Variants in SLC47A2 observed in about 807,000 individuals in gnomAD.
SLC47A2 encodes the protein multidrug and toxin extrusion protein 2.
SLC47A2 carries 52 observed loss-of-function variants against 67.7 expected under a neutral mutation model. The observed-to-expected ratio is 0.77, with a 90% CI of 0.61 to 0.97. The LOEUF (loss-of-function observed/expected upper bound fraction) is 0.97, where lower values mean the gene tolerates loss of function less well. Ranked by LOEUF, SLC47A2 falls within the 50% of genes least tolerant of loss-of-function variation. The pLI is 0.00. For missense variants in SLC47A2, 676 were observed against 712.3 expected (o/e 0.95, Z 0.58); for synonymous variants, 278 against 292.9 (o/e 0.95, Z 0.52).
intron 5 of SLC47A2, among the ~76,000 whole-genome samples, chr17:19,709,661 C>CA (rs1212596520): frequency 6.6e-6 from 1 of 152,002 alleles, no homozygotes; most frequent in Non-Finnish European, 1.5e-5. Flanking sequence ...AAGTGCTTAC[C>CA]AAATGATATA....
In SLC47A2 at chr17:19,714,023, C is replaced by A. The variant is rs753076339; in HGVS notation, c.295-50G>T. On this transcript the variant is annotated intron_variant, in intron 3 of 16. Transcript: ENST00000433844. ...AGCCGTTTCCACTGCCCGGGACATTCCTAAATCCCGCGCGGGGAGCGGGCT... is the reference window on the plus strand; with the variant it reads ...AGCCGTTTCCACTGCCCGGGACATTACTAAATCCCGCGCGGGGAGCGGGCT... 4 of 1,574,972 alleles carry A rather than the reference C, an allele frequency of 2.5e-6. No homozygotes were observed. In the South Asian group the frequency reaches 3.5e-5, roughly 14 times the overall value.
chr17:19,678,898 C>G lies in SLC47A2; in HGVS notation c.1489G>C (p.Gly497Arg), dbSNP rs966852445. ...EKAVLSSVAT[G>R]SSPGITLTTY... ...GTCAAGGTAATGCCAGGGGAACTGC[C>G]TGTAGCCACTGCGGAAGCAAACAGG... Residue 497 changes from glycine (G) to arginine (R), a missense_variant, in exon 17 of 17, where the codon GGC becomes CGC. Coordinates refer to ENST00000433844, the MANE Select transcript of SLC47A2 (RefSeq NM_001099646.3). 4.5e-6 allele frequency: 7 copies of G among 1,569,578 alleles called. No homozygotes were observed. In the African/African-American group the frequency reaches 6.8e-5, roughly 15 times the overall value.
intron 13 of SLC47A2, chr17:19,702,128 A>G (rs2085801126): frequency 1.1e-5 from 11 of 984,624 alleles, no homozygotes; most frequent in Non-Finnish European, 1.3e-5. Context: ...AAAAAATTAC[A>G]TAATTCAAAT....
chr17:19,706,522 G>GTAGATCTC, intron 9 of SLC47A2, 126 bp downstream of exon 9: 1 of 713,288 alleles, frequency 1.4e-6, no homozygotes, highest in Non-Finnish European at 2.2e-6. Flanking sequence ...AGCTGGAAGG[G>GTAGATCTC]GGCTGGTGAG....
rs772105379 is a variant in SLC47A2, at chr17:19,704,083, G to A, written c.1005C>T (p.Gly335=). The A allele has an allele frequency of 8.7e-6, 14 of 1,608,644 alleles. No individual in the cohort carries two copies. The highest frequency in any genetic ancestry group is 2.2e-5 in the East Asian group (1 of 44,674). ...GACTCCACCTACCTATGCTGAGCAC[G>A]CCCGAGACGGCCGAGCGCTTGGCCT... ...TVQAKRSAVS[G]VLSIVGISLV... The change falls in exon 11 of 17, where the codon GGC becomes GGT. Residue 335 remains glycine (G), a synonymous_variant. Coordinates refer to ENST00000433844, the MANE Select transcript of SLC47A2 (RefSeq NM_001099646.3).
At chr17:19,689,696 CAAA>C (rs377081377) in intron 13 of SLC47A2, among the ~76,000 whole-genome samples, 13 of 81,648 alleles carry the variant, frequency 1.6e-4, no homozygotes, top group Admixed American at 1.4e-4. Context: ...GACCTTGTCT[CAAA>C]AAAAAAAAAA....
intron 5 of SLC47A2, among the ~76,000 whole-genome samples, chr17:19,709,372 T>G (rs138728941): frequency 1.3e-3 from 205 of 152,300 alleles, no homozygotes; most frequent in African/African-American, 4.7e-3. Context: ...GGGAATAGAA[T>G]AGGCATCAAC....
Position 19,706,757 on chromosome 17 carries a change from C to A in SLC47A2, c.732G>T (p.Trp244Cys), listed in dbSNP as rs781237396. The A allele has an allele frequency of 1.5e-5, 24 of 1,604,334 alleles. No homozygotes were observed. Among genetic ancestry groups the A allele is most frequent in the Non-Finnish European group, 2.0e-5 (24 of 1,177,644 alleles). The change falls in exon 9 of 17, where the codon TGG becomes TGT. Residue 244 changes from tryptophan (W) to cysteine (C), a missense_variant. Trp to Cys is a radical substitution (Grantham distance 215, BLOSUM62 -2). Transcript: ENST00000433844. ...KKLHLETWAG[W>C]SSQCLQDWGP... ...CCCAGTCCTGCAGGCACTGGCTGGA[C>A]CAACCTGGAAACAGAGGCCCCATGA...
rs368154207 is a variant in SLC47A2 at position 19,709,182 on chromosome 17, CT to C, written c.487-423del. On this transcript the variant is annotated intron_variant, in intron 5 of 16. Transcript: ENST00000433844. Reference sequence around the variant, plus strand: ...TTAGAGACAGGATTTGAAGGTGTGACTTCGGACGAGGGAATGGCAGGTACTG... The same window carrying C: ...TTAGAGACAGGATTTGAAGGTGTGACTCGGACGAGGGAATGGCAGGTACTG... 1.9e-3 allele frequency among the ~76,000 whole-genome samples: 286 copies of C among 152,350 alleles called. 1 individual carries two copies. The highest frequency in any genetic ancestry group is 6.1e-3 in the African/African-American group (255 of 41,578).
At chr17:19,691,389 C>A (rs879674535) in intron 13 of SLC47A2, among the ~76,000 whole-genome samples, 3 of 152,078 alleles carry the variant, frequency 2.0e-5, no homozygotes, top group Non-Finnish European at 4.4e-5. Flanking sequence ...AAATGTGGCA[C>A]GTATATACAA....
chr17:19,697,542 A>G (rs564273409), intron 13 of SLC47A2, among the ~76,000 whole-genome samples: 82 of 152,184 alleles, frequency 5.4e-4, no homozygotes, highest in Non-Finnish European at 8.8e-4. Flanking sequence ...GCAAGCAAAT[A>G]CAACCAGCTA....
rs117668862 is a variant in SLC47A2 at position 19,687,270 on chromosome 17, G to A, written c.1165-5600C>T. On this transcript the variant is annotated intron_variant, in intron 13 of 16. Coordinates refer to ENST00000433844, the MANE Select transcript of SLC47A2 (RefSeq NM_001099646.3). ...GATAATGGAAACAACATATCAAAAC[G>A]TATGTCATACAATGAAAGCAGTACT... is the stretch of plus-strand genomic sequence containing the variant. 2.2e-3 allele frequency among the ~76,000 whole-genome samples: 334 copies of A among 152,128 alleles called. 5 individuals carry two copies. The East Asian group carries it at 0.048, about 22-fold the overall frequency.
chr17:19,707,374 T>C (rs2085969205), intron 8 of SLC47A2, among the ~76,000 whole-genome samples: 1 of 152,160 alleles, frequency 6.6e-6, no homozygotes, highest in African/African-American at 2.4e-5. Context: ...CTTTGTAAAA[T>C]GGGGCTAATG....
At chr17:19,694,714 G>A (rs925384712) in intron 13 of SLC47A2, among the ~76,000 whole-genome samples, 3 of 152,102 alleles carry the variant, frequency 2.0e-5, no homozygotes, top group African/African-American at 7.2e-5. Context: ...TCAGGAATTC[G>A]AAACCAGCCT....
At chr17:19,703,506 A>T (rs867037349) in intron 11 of SLC47A2, among the ~76,000 whole-genome samples, 20 of 152,376 alleles carry the variant, frequency 1.3e-4, no homozygotes, top group Middle Eastern at 3.4e-3. Context: ...GGTGAGGCCC[A>T]GCAATCTGTG....
At chr17:19,700,534 G>T (rs11655302) in intron 13 of SLC47A2, among the ~76,000 whole-genome samples, 1 of 152,098 alleles carries the variant, frequency 6.6e-6, no homozygotes, top group African/African-American at 2.4e-5. Flanking sequence ...GCCAAGGCAG[G>T]AGGACTGCTT....
chr17:19,679,897 C>G, intron 16 of SLC47A2, 55 bp downstream of exon 16: 1 of 1,548,800 alleles, frequency 6.5e-7, no homozygotes. Flanking sequence ...ACAAGAGCAA[C>G]ATGCCACTGA....
chr17:19,689,279 A>G (rs1199141632), intron 13 of SLC47A2, among the ~76,000 whole-genome samples: 1 of 152,226 alleles, frequency 6.6e-6, no homozygotes, highest in Non-Finnish European at 1.5e-5. Context: ...GATAAATCCA[A>G]CAAATCAACA....
intron 13 of SLC47A2, among the ~76,000 whole-genome samples, chr17:19,687,443 A>G (rs1388821372): frequency 6.6e-6 from 1 of 152,104 alleles, no homozygotes; most frequent in African/African-American, 2.4e-5. Context: ...AGCCAGAAAC[A>G]TAGAAAAGCA....
Sources: gnomAD v4.1 joint callset for allele counts (sites outside exome capture counted in the v4.1 genomes callset) on GRCh38, gnomAD v4.1.1 for gene constraint, MANE v1.5 for transcripts, NCBI Gene and HGNC (gene_info 2026-07-23, HGNC 2026-07-21) for gene names.